The following LCORL variants were observed in gnomAD, a reference collection of about 807,000 sequenced individuals.
LCORL encodes ligand-dependent nuclear receptor corepressor-like protein.
Under a neutral mutation model 141.8 loss-of-function variants are expected in LCORL, and 41 were observed. The ratio of observed to expected loss-of-function variants is 0.29; its 90% CI spans 0.23 to 0.38. The LOEUF (loss-of-function observed/expected upper bound fraction) is 0.38. LCORL is among the 10% of genes least tolerant of loss of function. LCORL has a pLI of 1.00. For synonymous variants in LCORL, 618 were observed against 694.1 expected (o/e 0.89, Z 1.72); for missense variants, 1,759 against 2,035.0 (o/e 0.86, Z 2.61).
At chr4:17,957,622 A>C (rs1160816146) in intron 4 of LCORL, among the ~76,000 whole-genome samples, 1 of 151,966 alleles carries the variant, frequency 6.6e-6, no homozygotes, top group Non-Finnish European at 1.5e-5. Context: ...TTGCAAATAA[A>C]AGGGAGATTT....
chr4:17,911,580 G>T, intron 4 of LCORL: 1 of 337,118 alleles, frequency 3.0e-6, no homozygotes, highest in East Asian at 8.5e-5. Context: ...AGCTTATGAG[G>T]ATAATGGCCT....
At position 17,842,495 on chromosome 4, in the gene LCORL, C is replaced by T; in HGVS notation, c.*3393G>A. ...AGAATATATAACAAGATAGTGAAAA[C>T]TATAAATAGCTGTCTTAGGTATATA... On this transcript the variant is annotated 3_prime_UTR_variant, in exon 8 of 8. Coordinates refer to ENST00000635767, the Ensembl canonical transcript of LCORL. 2.6e-6 allele frequency: 2 copies of T among 781,836 alleles called. 1 individual carries two copies. The highest frequency in any genetic ancestry group is 3.3e-5 in the South Asian group (2 of 61,482). 48.4% of individuals were successfully genotyped at this position (781,836 alleles called of 1,614,324 possible).
At chr4:17,849,066 G>T (rs1577234576) in intron 7 of LCORL, among the ~76,000 whole-genome samples, 2 of 152,242 alleles carry the variant, frequency 1.3e-5, no homozygotes, top group Admixed American at 6.5e-5. Flanking sequence ...GCTCAAGGAG[G>T]CCTGCCTGCC....
exon 7 of LCORL, chr4:17,874,146 T>C (rs1385049087): frequency 3.2e-6 from 4 of 1,233,882 alleles, no homozygotes; most frequent in East Asian, 3.2e-5. Flanking sequence ...TGTTCCATGG[T>C]TGTGCAGCTT....
At chr4:17,980,559 T>G (rs1331496271) in intron 1 of LCORL, among the ~76,000 whole-genome samples, 1 of 152,258 alleles carries the variant, frequency 6.6e-6, no homozygotes, top group East Asian at 1.9e-4. Context: ...TTTTTACCTC[T>G]GATTTTCTAC....
At chr4:17,943,156 T>G (rs1344689717) in intron 4 of LCORL, among the ~76,000 whole-genome samples, 1 of 152,114 alleles carries the variant, frequency 6.6e-6, no homozygotes, top group African/African-American at 2.4e-5. Flanking sequence ...ACCCCTGAGA[T>G]GACAAGAGAA....
At chr4:17,929,797 A>G (rs1358537410) in intron 4 of LCORL, among the ~76,000 whole-genome samples, 3 of 152,220 alleles carry the variant, frequency 2.0e-5, no homozygotes, top group Non-Finnish European at 4.4e-5. Context: ...TAAGCTTCAA[A>G]GGACACTACC....
intron 5 of LCORL, among the ~76,000 whole-genome samples, chr4:17,896,313 C>T (rs943357613): frequency 8.6e-5 from 13 of 151,958 alleles, no homozygotes; most frequent in Non-Finnish European, 1.5e-4. Context: ...GAGGGAGTTT[C>T]GCTCTTGTTG....
intron 6 of LCORL, 73 bp from the exon 7 acceptor site, chr4:17,878,286 G>A (rs1727123438): frequency 1.9e-6 from 2 of 1,065,356 alleles, no homozygotes. Flanking sequence ...TTTTAACAGT[G>A]TTTGAAAAAA....
At chr4:17,990,776 T>G (rs1370817441) in intron 1 of LCORL, among the ~76,000 whole-genome samples, 1 of 151,992 alleles carries the variant, frequency 6.6e-6, no homozygotes, top group Non-Finnish European at 1.5e-5. Flanking sequence ...GACTGAGGAC[T>G]GCACTGTCAG....
intron 4 of LCORL, among the ~76,000 whole-genome samples, chr4:17,927,474 G>A (rs1735331307): frequency 2.0e-5 from 3 of 152,224 alleles, no homozygotes; most frequent in Admixed American, 2.0e-4. Flanking sequence ...GAAACTGTTC[G>A]ATGCAATAGG....
At chr4:17,917,162 G>A (rs1393197218) in intron 4 of LCORL, among the ~76,000 whole-genome samples, 2 of 151,250 alleles carry the variant, frequency 1.3e-5, no homozygotes, top group East Asian at 1.9e-4. Context: ...TTTAGTAGAC[G>A]GGGTTTCACC....
At chr4:17,976,216 ATC>A (rs1333138762) in intron 1 of LCORL, among the ~76,000 whole-genome samples, 2 of 152,202 alleles carry the variant, frequency 1.3e-5, no homozygotes, top group Non-Finnish European at 2.9e-5. Flanking sequence ...GTCTGAAAAT[ATC>A]TGTTTTTTGA....
intron 6 of LCORL, chr4:17,880,894 T>G (rs1727478781): frequency 2.2e-6 from 2 of 905,744 alleles, no homozygotes; most frequent in Non-Finnish European, 2.6e-6. Context: ...TAAATATAAC[T>G]AATTGCCTAA....
intron 4 of LCORL, among the ~76,000 whole-genome samples, chr4:17,943,121 G>A (rs552809894): frequency 3.9e-5 from 6 of 152,176 alleles, no homozygotes; most frequent in East Asian, 1.9e-4. Flanking sequence ...CTGATCCGGC[G>A]GCTCATTTTG....
In LCORL at chr4:17,878,232, C is replaced by CA. The variant is rs1372716783; in HGVS notation, c.777-20dup. ...AGTTGAACTAAAAATAAAAATCAAA[C>CA]AAAAAATGAATTGCAGCAAAAATAC... On this transcript the variant is annotated intron_variant, in intron 6 of 7. Transcript: ENST00000635767. The CA allele has an allele frequency of 1.8e-5, 22 of 1,225,962 alleles. No individual in the cohort carries two copies. The highest frequency in any genetic ancestry group is 2.2e-5 in the Non-Finnish European group (22 of 983,086). The allele number at this position is 1,225,962 out of a possible 1,614,324, so 75.9% of individuals were successfully genotyped here.
intron 2 of LCORL, among the ~76,000 whole-genome samples, chr4:17,963,456 T>C (rs1714254799): frequency 6.6e-6 from 1 of 151,552 alleles, no homozygotes; most frequent in Non-Finnish European, 1.5e-5. Context: ...AATAGAGAAA[T>C]AGAAGAAAGC....
At chr4:18,013,523 T>A (rs896434553) in intron 1 of LCORL, among the ~76,000 whole-genome samples, 2 of 152,204 alleles carry the variant, frequency 1.3e-5, no homozygotes, top group African/African-American at 4.8e-5. Flanking sequence ...CCCAGTTTCA[T>A]AGGTTTCCAT....
chr4:17,904,159 A>C (rs1030731697), intron 5 of LCORL, among the ~76,000 whole-genome samples: 1 of 152,186 alleles, frequency 6.6e-6, no homozygotes, highest in East Asian at 1.9e-4. Context: ...CTGAATTACC[A>C]TCTCTTATAA....
Sources: allele counts gnomAD v4.1 joint callset (sites outside exome capture counted in the v4.1 genomes callset), GRCh38; gene constraint gnomAD v4.1.1; transcripts MANE v1.5; gene names NCBI Gene and HGNC (gene_info 2026-07-23, HGNC 2026-07-21).